ATF1: variants seen among roughly 807,000 people sequenced by gnomAD.
The protein encoded by ATF1 is cyclic AMP-dependent transcription factor ATF-1.
ATF1 carries 16 observed loss-of-function variants against 34.7 expected under a neutral mutation model. The ratio of observed to expected loss-of-function variants is 0.46; its 90% confidence interval spans 0.31 to 0.70. The LOEUF is 0.70. Ranked by LOEUF, ATF1 falls within the 30% of genes least tolerant of loss-of-function variation. The pLI is 0.05. For synonymous variants in ATF1, 105 were observed against 113.1 expected (o/e 0.93, Z 0.46); for missense variants, 255 against 321.6 (o/e 0.79, Z 1.58).
At position 50,809,425 on chromosome 12, in the gene ATF1, A is replaced by G. The variant is rs922157948; in HGVS notation, c.195-31A>G. The G allele has an allele frequency of 1.4e-5, 21 of 1,488,458 alleles. No individual in the cohort carries two copies. In the African/African-American group the frequency reaches 1.7e-4, roughly 12 times the overall value. The allele number at this position is 1,488,458 out of a possible 1,614,324, so 92.2% of individuals were successfully genotyped here. A position where few individuals can be genotyped will look rare whatever the true frequency, so the allele number is the denominator to read the frequency against. The stretch of plus-strand genomic sequence containing the variant: ...TTTTGTGAAGTCATTCACATTACCA[A>G]TGTTTAATAGAGTTCTGGTTTTTTT... On this transcript the variant is annotated intron_variant, in intron 3 of 6. Coordinates refer to ENST00000262053, the MANE Select transcript of ATF1 (RefSeq NM_005171.5).
At chr12:50,809,668 CTG>C in intron 4 of ATF1, 79 bp downstream of exon 4, 1 of 1,404,304 alleles carries the variant, frequency 7.1e-7, no homozygotes, top group Non-Finnish European at 9.7e-7. Context: ...GTTAGGAAAA[CTG>C]TAATACTTTG....
intron 6 of ATF1, among the ~76,000 whole-genome samples, chr12:50,816,302 G>C (rs1402625387): frequency 6.6e-6 from 1 of 151,970 alleles, no homozygotes; most frequent in Non-Finnish European, 1.5e-5. Context: ...CTGGGCAACA[G>C]AGCAAGACCC....
intron 1 of ATF1, among the ~76,000 whole-genome samples, chr12:50,773,212 T>G (rs942192744): frequency 6.6e-6 from 1 of 152,204 alleles, no homozygotes. Context: ...TTGTGAATAG[T>G]GCTGCAGTGA....
At chr12:50,796,093 A>G in intron 3 of ATF1, 84 bp downstream of exon 3, 1 of 1,130,336 alleles carries the variant, frequency 8.8e-7, no homozygotes, top group Non-Finnish European at 1.3e-6. Context: ...ACACTAAAGA[A>G]GTTAGCACGC....
intron 2 of ATF1, among the ~76,000 whole-genome samples, chr12:50,782,168 A>C (rs2139652441): frequency 6.6e-6 from 1 of 152,306 alleles, no homozygotes; most frequent in South Asian, 2.1e-4. Context: ...TAATTCAACC[A>C]AAACAATGTA....
rs892321218 is a variant in ATF1, at chr12:50,820,050, C to T, written c.*271C>T. The T allele has an allele frequency of 7.1e-6, 2 of 282,734 alleles. No individual in the cohort carries two copies. Among genetic ancestry groups the T allele is most frequent in the African/African-American group, 4.4e-5 (2 of 45,956 alleles). The allele number at this position is 282,734 out of a possible 1,614,324, so 17.5% of individuals were successfully genotyped here. ...CAGCAGTCTAAATTTTCTAAATAACCAATAGTTGCCAATCTAAAATGGCAG... is the reference window on the plus strand; with the variant it reads ...CAGCAGTCTAAATTTTCTAAATAACTAATAGTTGCCAATCTAAAATGGCAG... On this transcript the variant is annotated 3_prime_UTR_variant, in exon 7 of 7. Transcript: ENST00000262053.
At chr12:50,790,086 C>G (rs978240918) in intron 2 of ATF1, among the ~76,000 whole-genome samples, 2 of 151,972 alleles carry the variant, frequency 1.3e-5, no homozygotes, top group Non-Finnish European at 2.9e-5. Flanking sequence ...ATCATACGCT[C>G]TCTCCATTAG....
chr12:50,804,916 A>G (rs985929117), intron 3 of ATF1, among the ~76,000 whole-genome samples: 5 of 151,586 alleles, frequency 3.3e-5, no homozygotes, highest in Admixed American at 1.3e-4. Flanking sequence ...GGTTCAAGCA[A>G]TTCTCCTGCC....
rs1176015260 is a variant in ATF1 at position 50,820,190 on chromosome 12, G to GTAA, written c.*413_*415dup. 3 of 210,032 alleles carry GTAA rather than the reference G, an allele frequency of 1.4e-5. No individual in the cohort carries two copies. The highest frequency in any genetic ancestry group is 6.8e-5 in the African/African-American group (3 of 44,010). 13.0% of individuals were successfully genotyped at this position (210,032 alleles called of 1,614,324 possible). ...GTTATATATATGTGTGTGTGTGTGT[G>GTAA]TAATTTCTGCCAATAAATTCTAAAT... On this transcript the variant is annotated 3_prime_UTR_variant, in exon 7 of 7. Transcript: ENST00000262053.
At chr12:50,770,856 A>T (rs1399493072) in intron 1 of ATF1, among the ~76,000 whole-genome samples, 2 of 152,224 alleles carry the variant, frequency 1.3e-5, no homozygotes, top group African/African-American at 4.8e-5. Context: ...TGGGTAATTT[A>T]AAAATCTGGA....
At chr12:50,798,241 A>G (rs1941447698) in intron 3 of ATF1, among the ~76,000 whole-genome samples, 1 of 152,158 alleles carries the variant, frequency 6.6e-6, no homozygotes, top group Non-Finnish European at 1.5e-5. Flanking sequence ...GTGAACAAAG[A>G]CAATTCATTT....
rs1294449545 is a variant in ATF1, at chr12:50,820,954, A to T, written c.*1175A>T. ...CAGATTGGCTAATATTTGCATTGTA[A>T]ATTTTGTATGCAGTTTATCTAAAAT... On this transcript the variant is annotated 3_prime_UTR_variant, in exon 7 of 7. Transcript: ENST00000262053. 1 of 180,068 alleles carries T rather than the reference A, an allele frequency of 5.6e-6. No homozygotes were observed. The highest frequency in any genetic ancestry group is 1.2e-5 in the Non-Finnish European group (1 of 83,938). 11.2% of individuals were successfully genotyped at this position (180,068 alleles called of 1,614,324 possible).
At chr12:50,793,187 T>C (rs1418148028) in intron 2 of ATF1, among the ~76,000 whole-genome samples, 1 of 152,206 alleles carries the variant, frequency 6.6e-6, no homozygotes, top group Non-Finnish European at 1.5e-5. Context: ...TTTAGTCTTA[T>C]TTGCTGGTGC....
At chr12:50,771,949 T>A (rs145135219) in intron 1 of ATF1, among the ~76,000 whole-genome samples, 313 of 152,340 alleles carry the variant, frequency 2.1e-3, no homozygotes, top group African/African-American at 7.2e-3. Context: ...CCACCCCTTG[T>A]TTAGCATATC....
intron 2 of ATF1, among the ~76,000 whole-genome samples, chr12:50,781,579 T>TGGG (rs1409046863): frequency 6.6e-6 from 1 of 151,796 alleles, no homozygotes; most frequent in Non-Finnish European, 1.5e-5. Context: ...GCCTCCCGAG[T>TGGG]AGCTGGGATT....
At chr12:50,769,653 GTTA>G (rs1233435803) in intron 1 of ATF1, among the ~76,000 whole-genome samples, 2 of 152,154 alleles carry the variant, frequency 1.3e-5, no homozygotes, top group African/African-American at 4.8e-5. Context: ...TTTAGTGTAT[GTTA>G]TTAATAATTA....
In ATF1 at chr12:50,768,570, C is replaced by G. The variant is rs1940695469; in HGVS notation, c.-7+4263C>G. 2.0e-5 allele frequency among the ~76,000 whole-genome samples: 3 copies of G among 152,174 alleles called. No individual in the cohort carries two copies. In the South Asian group the frequency reaches 6.2e-4, roughly 31 times the overall value. On this transcript the variant is annotated intron_variant, in intron 1 of 6. Transcript: ENST00000262053. Reference sequence around the variant, plus strand: ...ACTTAAAAACTGGCAAATGAAAAATCTTACAACCACTGTTATCATCATCAT... The same window carrying G: ...ACTTAAAAACTGGCAAATGAAAAATGTTACAACCACTGTTATCATCATCAT...
intron 2 of ATF1, among the ~76,000 whole-genome samples, chr12:50,790,039 G>T (rs914878497): frequency 7.2e-5 from 11 of 152,128 alleles, no homozygotes; most frequent in African/African-American, 2.4e-4. Flanking sequence ...TTTGAGGAAT[G>T]ATGGCCCTTA....
chr12:50,768,125 A>T (rs1247415003), intron 1 of ATF1, among the ~76,000 whole-genome samples: 6 of 152,076 alleles, frequency 3.9e-5, no homozygotes, highest in Non-Finnish European at 7.4e-5. Flanking sequence ...CACCTGCCTC[A>T]GCCTCCTAAA....
Sources: allele counts gnomAD v4.1 joint callset (sites outside exome capture counted in the v4.1 genomes callset), GRCh38; gene constraint gnomAD v4.1.1; transcripts MANE v1.5; gene names NCBI Gene and HGNC (gene_info 2026-07-23, HGNC 2026-07-21).